Variants in DLG2 observed in about 807,000 individuals in gnomAD.
DLG2 encodes the protein disks large homolog 2.
DLG2 carries 45 observed loss-of-function variants against 132.5 expected under a neutral mutation model. That is an observed-to-expected ratio of 0.34 (90% CI 0.27 to 0.44). The LOEUF (loss-of-function observed/expected upper bound fraction) is 0.44. Among genes scored for constraint, DLG2 ranks in the 20% least tolerant of loss-of-function variants. The pLI, the probability that DLG2 is intolerant of heterozygous loss-of-function variation, is 1.00. For missense variants in DLG2, 1,045 were observed against 1,196.9 expected, an observed-to-expected ratio of 0.87 and a Z score of 1.87; for synonymous variants, 424 against 419.6, an observed-to-expected ratio of 1.01 and a Z score of -0.13.
chr11:84,815,340 A>G (rs1031997800), intron 6 of DLG2, among the ~76,000 whole-genome samples: 1 of 152,080 alleles, frequency 6.6e-6, no homozygotes, highest in Non-Finnish European at 1.5e-5. Context: ...CAGGACATGG[A>G]ATCCTGGTTT....
chr11:85,534,107 T>C (rs4944520), intron 3 of DLG2, among the ~76,000 whole-genome samples: 33,283 of 151,746 alleles, frequency 0.22, 4,312 homozygotes, highest in African/African-American at 0.34. Flanking sequence ...CCTGCCTCAG[T>C]CTCCCGAGTA....
At chr11:85,104,775 C>T (rs1285859508) in intron 6 of DLG2, among the ~76,000 whole-genome samples, 1 of 140,578 alleles carries the variant, frequency 7.1e-6, no homozygotes, top group Non-Finnish European at 1.5e-5. Flanking sequence ...TGGAAAACAA[C>T]AATAAGAGCA....
chr11:85,082,007 T>A (rs1290891996), intron 6 of DLG2, among the ~76,000 whole-genome samples: 1 of 152,164 alleles, frequency 6.6e-6, no homozygotes, highest in Admixed American at 6.5e-5. Context: ...TTGTGTTTCA[T>A]CATATTTTTA....
chr11:85,448,945 CTCTTT>C (rs1158266566), intron 3 of DLG2, among the ~76,000 whole-genome samples: 2 of 152,154 alleles, frequency 1.3e-5, no homozygotes. Flanking sequence ...TCCTTCCACT[CTCTTT>C]TAAGTCAAAC....
intron 8 of DLG2, among the ~76,000 whole-genome samples, chr11:84,233,362 T>C (rs938915498): frequency 1.3e-5 from 2 of 152,138 alleles, no homozygotes; most frequent in Non-Finnish European, 2.9e-5. Context: ...AAGAAATTAT[T>C]TTTCTCCTAA....
chr11:84,910,761 A>AC (rs1369144911), intron 6 of DLG2, among the ~76,000 whole-genome samples: 39 of 107,290 alleles, frequency 3.6e-4, no homozygotes, highest in East Asian at 3.3e-3. Context: ...AAAGGAAGAA[A>AC]AAACAACAAC....
intron 7 of DLG2, among the ~76,000 whole-genome samples, chr11:84,318,397 G>C (rs533258229): frequency 6.6e-6 from 1 of 152,286 alleles, no homozygotes; most frequent in African/African-American, 2.4e-5. Context: ...TGTGCAGCCA[G>C]TTACCATCCA....
At chr11:85,175,916 G>A (rs780806445) in intron 4 of DLG2, among the ~76,000 whole-genome samples, 2 of 152,056 alleles carry the variant, frequency 1.3e-5, no homozygotes, top group Non-Finnish European at 2.9e-5. Context: ...ATGAAGTGAA[G>A]AGCTTCTTCA....
intron 9 of DLG2, among the ~76,000 whole-genome samples, chr11:84,135,266 A>C (rs1347541994): frequency 3.3e-5 from 5 of 152,130 alleles, no homozygotes; most frequent in Non-Finnish European, 2.9e-5. Context: ...GACTAGGTAG[A>C]ATCTAGATGG....
chr11:85,299,543 T>C (rs554059568), intron 3 of DLG2, among the ~76,000 whole-genome samples: 1 of 152,312 alleles, frequency 6.6e-6, no homozygotes, highest in Non-Finnish European at 1.5e-5. Context: ...TTTGCATTTA[T>C]CTTGTGATTC....
intron 3 of DLG2, among the ~76,000 whole-genome samples, chr11:85,579,374 C>T (rs367732862): frequency 2.6e-5 from 4 of 151,416 alleles, no homozygotes; most frequent in Admixed American, 6.6e-5. Context: ...CATGTATCCT[C>T]GAAATCAAAA....
intron 21 of DLG2, among the ~76,000 whole-genome samples, chr11:83,522,216 T>A (rs1340170074): frequency 1.3e-5 from 2 of 152,214 alleles, no homozygotes; most frequent in African/African-American, 2.4e-5. Context: ...TCTTAATTGC[T>A]CTCACATGGA....
chr11:85,315,251 T>C (rs1327646790), intron 3 of DLG2, among the ~76,000 whole-genome samples: 1 of 151,954 alleles, frequency 6.6e-6, no homozygotes, highest in South Asian at 2.1e-4. Context: ...AGGCTAGCAT[T>C]ATTGCTTCTG....
chr11:83,523,878 T>C (rs1381384209), intron 21 of DLG2, among the ~76,000 whole-genome samples: 3 of 151,386 alleles, frequency 2.0e-5, no homozygotes, highest in Admixed American at 1.3e-4. Context: ...AAGCTCCATC[T>C]TCCTGCCCAT....
intron 19 of DLG2, among the ~76,000 whole-genome samples, chr11:83,567,038 A>C (rs1171885753): frequency 1.3e-5 from 2 of 152,118 alleles, no homozygotes; most frequent in African/African-American, 2.4e-5. Flanking sequence ...TGATTTTTGC[A>C]CAGGAACGGT....
intron 4 of DLG2, among the ~76,000 whole-genome samples, chr11:85,272,644 T>C (rs2077609793): frequency 6.6e-6 from 1 of 152,090 alleles, no homozygotes; most frequent in South Asian, 2.1e-4. Flanking sequence ...TGCTCATGGA[T>C]AGGAAGAATC....
chr11:85,177,583 A>G (rs1322472421), intron 4 of DLG2, among the ~76,000 whole-genome samples: 1 of 152,048 alleles, frequency 6.6e-6, no homozygotes, highest in Non-Finnish European at 1.5e-5. Context: ...CTTGATACCT[A>G]GGTGATGGGT....
At chr11:84,273,217 C>G in intron 7 of DLG2, 1 of 1,557,432 alleles carries the variant, frequency 6.4e-7, no homozygotes, top group South Asian at 1.2e-5. Context: ...CCCACAAAAG[C>G]TGATAATTCT....
rs142566387 is a variant in DLG2, at chr11:85,311,515, C to G, written c.41-26150G>C. On this transcript the variant is annotated intron_variant, in intron 3 of 27. Transcript: ENST00000376104. ...CCAAAAATCAATAGAATCATGACATCTTCCAGTAAGTATATAATCCCCTTT... is the reference window on the plus strand; with the variant it reads ...CCAAAAATCAATAGAATCATGACATGTTCCAGTAAGTATATAATCCCCTTT... Among the ~76,000 whole-genome samples the G allele has an allele frequency of 2.1e-3, 323 of 152,230 alleles. 1 individual carries two copies. Among genetic ancestry groups the G allele is most frequent in the African/African-American group, 7.6e-3 (316 of 41,552 alleles).
Sources: allele counts gnomAD v4.1 joint callset (sites outside exome capture counted in the v4.1 genomes callset), GRCh38; gene constraint gnomAD v4.1.1; transcripts MANE v1.5; gene names NCBI Gene and HGNC (gene_info 2026-07-23, HGNC 2026-07-21).